The following PRKDC variants were observed in gnomAD, a reference collection of about 807,000 sequenced individuals.
PRKDC encodes the protein protein kinase, DNA-activated, catalytic subunit.
A neutral mutation model predicts 486.9 loss-of-function variants in PRKDC; 82 were observed. The observed-to-expected ratio is 0.17, with a 90% CI of 0.14 to 0.20. PRKDC has a LOEUF of 0.20. Ranked by LOEUF, PRKDC falls within the 10% of genes least tolerant of loss-of-function variation. The pLI, the probability that PRKDC is intolerant of heterozygous loss-of-function variation, is 1.00. For missense variants in PRKDC, 4,504 were observed against 5,038.2 expected, an observed-to-expected ratio of 0.89 and a Z score of 3.21; for synonymous variants, 1,895 against 1,837.0, an observed-to-expected ratio of 1.03 and a Z score of -0.81.
rs1468022907 is a variant in PRKDC at position 47,820,745 on chromosome 8, G to C, written c.9310C>G (p.Gln3104Glu). The C allele has an allele frequency of 6.4e-7, 1 of 1,573,668 alleles. No individual in the cohort carries two copies. The highest frequency in any genetic ancestry group is 1.8e-5 in the Admixed American group (1 of 54,510). Residue 3104 changes from glutamine (Q) to glutamate (E), a missense_variant, in exon 66 of 86, where the codon CAA becomes GAA. Around this residue, in one of 6 missense-constraint regions of PRKDC, gnomAD observed 1,592 missense variants for 1,724.6 expected, o/e 0.92. Coordinates refer to ENST00000314191, the MANE Select transcript of PRKDC (RefSeq NM_006904.7). ...TGCATAAAACTCTGAATGCCATTTT[G>C]AATGTAATATTTGGCTCTGTCAACA... ...DDVDRAKYYI[Q>E]NGIQSFMQNY... is the part of the protein sequence containing the mutation.
intron 69 of PRKDC, among the ~76,000 whole-genome samples, chr8:47,803,724 A>T (rs2087157649): frequency 6.6e-6 from 1 of 152,182 alleles, no homozygotes; most frequent in South Asian, 2.1e-4. Flanking sequence ...CCAAAGAGGG[A>T]GGATTACCTG....
intron 61 of PRKDC, among the ~76,000 whole-genome samples, chr8:47,828,757 T>G (rs537023833): frequency 2.8e-4 from 42 of 152,344 alleles, no homozygotes; most frequent in Middle Eastern, 3.4e-3. Context: ...CAGAGAAAGA[T>G]TAAATGTTTA....
chr8:47,898,408 C>T, intron 29 of PRKDC, 62 bp downstream of exon 29: 4 of 1,319,948 alleles, frequency 3.0e-6, no homozygotes, highest in Non-Finnish European at 3.2e-6. Flanking sequence ...GGTTGTCCTT[C>T]ATTAGCTGTG....
chr8:47,952,764 G>A (rs1370399809), intron 7 of PRKDC, among the ~76,000 whole-genome samples: 2 of 152,202 alleles, frequency 1.3e-5, no homozygotes, highest in Admixed American at 1.3e-4. Flanking sequence ...AGAACTTTAG[G>A]AAGTTGAGGC....
At chr8:47,833,733 G>A (rs189554197) in intron 59 of PRKDC, among the ~76,000 whole-genome samples, 1 of 152,016 alleles carries the variant, frequency 6.6e-6, no homozygotes, top group Non-Finnish European at 1.5e-5. Flanking sequence ...CTGCAGAATC[G>A]ATCTGAGCCT....
intron 12 of PRKDC, 144 bp downstream of exon 12, chr8:47,936,209 T>G: frequency 7.4e-6 from 7 of 948,918 alleles, no homozygotes; most frequent in Non-Finnish European, 8.9e-6. Flanking sequence ...TTCATGACAA[T>G]AATTCTATTG....
intron 55 of PRKDC, among the ~76,000 whole-genome samples, chr8:47,839,512 G>T (rs534087260): frequency 9.9e-5 from 15 of 152,280 alleles, no homozygotes; most frequent in Non-Finnish European, 1.9e-4. Flanking sequence ...TGGTGGTGTG[G>T]TAGTGCCCGG....
At chr8:47,869,253 A>G (rs908696401) in intron 40 of PRKDC, among the ~76,000 whole-genome samples, 3 of 151,604 alleles carry the variant, frequency 2.0e-5, no homozygotes, top group East Asian at 3.9e-4. Flanking sequence ...TGCAGTAATA[A>G]AAGTGATTCC....
intron 48 of PRKDC, among the ~76,000 whole-genome samples, chr8:47,858,299 CAT>C (rs2088592262): frequency 6.6e-6 from 1 of 150,416 alleles, no homozygotes; most frequent in Admixed American, 6.6e-5. Flanking sequence ...GGTGAATTTA[CAT>C]ATGTTAAAAA....
chr8:47,865,992 C>T (rs986071323), intron 40 of PRKDC, among the ~76,000 whole-genome samples: 1 of 151,960 alleles, frequency 6.6e-6, no homozygotes, highest in Non-Finnish European at 1.5e-5. Context: ...CCCGTCTCTA[C>T]TAAAAATACA....
chr8:47,890,654 C>T (rs1268884194), intron 31 of PRKDC, among the ~76,000 whole-genome samples, 174 bp from the exon 32 acceptor site: 1 of 152,144 alleles, frequency 6.6e-6, no homozygotes, highest in Non-Finnish European at 1.5e-5. Flanking sequence ...TATTTTTTCT[C>T]ATATCAAAGG....
rs533682288 is a variant in PRKDC, at chr8:47,924,530, C to T, written c.2419+2664G>A. On this transcript the variant is annotated intron_variant, in intron 21 of 85. Transcript: ENST00000314191. ...AGCCAAGATTGCACCACTGCTCTCC[C>T]GCCTGGGAAACAGAGTGAGACTCTG... 2.7e-4 allele frequency among the ~76,000 whole-genome samples: 41 copies of T among 151,834 alleles called. No individual in the cohort carries two copies. In the South Asian group the frequency reaches 7.7e-3, roughly 28 times the overall value.
At position 47,834,294 on chromosome 8, in the gene PRKDC, C is replaced by T; in HGVS notation, c.8054G>A (p.Ser2685Asn). 1 of 1,614,010 alleles carries T rather than the reference C, an allele frequency of 6.2e-7. No individual in the cohort carries two copies. The highest frequency in any genetic ancestry group is 8.5e-7 in the Non-Finnish European group (1 of 1,179,882). The change falls in exon 59 of 86, where the codon AGT (serine) becomes AAT (asparagine). Residue 2685 changes from serine (S) to asparagine (N), a missense_variant. Transcript: ENST00000314191. Reference sequence around the variant, plus strand: ...CAAGGGTGCTCTCTGTAACCTTTCACTCCTCTTGTGGGCAAACAGCAAGGA... The same window carrying T: ...CAAGGGTGCTCTCTGTAACCTTTCATTCCTCTTGTGGGCAAACAGCAAGGA... ...SDSLLFAHKR[S>N]ERLQRAPLKS...
chr8:47,792,321 TGATCTC>T, intron 74 of PRKDC, among the ~76,000 whole-genome samples: 1 of 151,176 alleles, frequency 6.6e-6, no homozygotes, highest in African/African-American at 2.4e-5. Context: ...TGCAGTGGCT[TGATCTC>T]GGCTCACTGC....
chr8:47,898,694 T>C, intron 28 of PRKDC, 125 bp from the exon 29 acceptor site: 1 of 535,430 alleles, frequency 1.9e-6, no homozygotes, highest in South Asian at 5.8e-5. Context: ...AGATTTAATA[T>C]GTTTTCATCC....
chr8:47,790,823 C>T (rs2086869894), intron 74 of PRKDC, among the ~76,000 whole-genome samples: 5 of 152,152 alleles, frequency 3.3e-5, no homozygotes, highest in Admixed American at 3.3e-4. Flanking sequence ...AAAGGACAGT[C>T]TCCAATAAAT....
chr8:47,787,785 C>G (rs2086815406), intron 76 of PRKDC, among the ~76,000 whole-genome samples: 1 of 152,140 alleles, frequency 6.6e-6, no homozygotes, highest in Non-Finnish European at 1.5e-5. Flanking sequence ...TGGGGGCAGG[C>G]TAGGCTGGAG....
At chr8:47,863,706 A>C in intron 41 of PRKDC, 129 bp from the exon 42 acceptor site, 1 of 733,292 alleles carries the variant, frequency 1.4e-6, no homozygotes, top group South Asian at 2.1e-5. Flanking sequence ...ATGCTAAATC[A>C]CTTCAATAAG....
chr8:47,881,617 T>C (rs760802239), intron 37 of PRKDC, 97 bp from the exon 38 acceptor site: 1 of 698,612 alleles, frequency 1.4e-6, no homozygotes, highest in Non-Finnish European at 2.3e-6. Flanking sequence ...AAATGAATTG[T>C]TAATTTAATT....
Sources: gnomAD v4.1 joint callset for allele counts (sites outside exome capture counted in the v4.1 genomes callset) on GRCh38, gnomAD v4.1.1 for gene constraint, gnomAD v4.1.1 regional missense constraint, MANE v1.5 for transcripts, NCBI Gene and HGNC (gene_info 2026-07-23, HGNC 2026-07-21) for gene names.